The following PLEKHH1 variants were observed in gnomAD, a reference collection of about 807,000 sequenced individuals.
PLEKHH1 encodes pleckstrin homology domain-containing family H member 1.
In PLEKHH1, 104 loss-of-function variants were observed where a neutral mutation model predicts 160.0. The observed-to-expected ratio is 0.65, with a 90% CI of 0.55 to 0.76. The LOEUF (loss-of-function observed/expected upper bound fraction) is 0.76. Among genes scored for constraint, PLEKHH1 ranks in the 30% least tolerant of loss-of-function variants. The pLI is 0.00. For synonymous variants in PLEKHH1, 619 were observed against 678.4 expected (o/e 0.91, Z 1.36); for missense variants, 1,427 against 1,724.1 (o/e 0.83, Z 3.05).
intron 24 of PLEKHH1, among the ~76,000 whole-genome samples, chr14:67,583,126 TAA>T (rs1349837341): frequency 6.6e-6 from 1 of 152,122 alleles, no homozygotes; most frequent in Non-Finnish European, 1.5e-5. Flanking sequence ...TAAAAATTTT[TAA>T]AAAAGAATAA....
rs758445565 is a variant in PLEKHH1, at chr14:67,575,422, T to G, written c.2119T>G (p.Cys707Gly). Residue 707 changes from cysteine to glycine, a missense_variant, in exon 15 of 29, where the codon TGC becomes GGC. This residue lies in a region of PLEKHH1 where 831 missense variants were observed against 929.2 expected (regional missense o/e 0.89). Transcript: ENST00000329153. ...GCATGGCCACTCCAAGGTGGTCTGGTGCGCTCTTGTTGGGAAAATCTTCTA... is the reference window on the plus strand; with the variant it reads ...GCATGGCCACTCCAAGGTGGTCTGGGGCGCTCTTGTTGGGAAAATCTTCTA... ...VKHGHSKVVW[C>G]ALVGKIFYYY... The G allele has an allele frequency of 6.2e-7, 1 of 1,610,258 alleles. No homozygotes were observed.
chr14:67,573,346 T>C lies in PLEKHH1; in HGVS notation c.1799T>C (p.Phe600Ser), dbSNP rs1594780377. 1 of 1,613,694 alleles carries C rather than the reference T, an allele frequency of 6.2e-7. No individual in the cohort carries two copies. The highest frequency in any genetic ancestry group is 8.5e-7 in the Non-Finnish European group (1 of 1,179,642). Residue 600 changes from phenylalanine to serine, a missense_variant, in exon 12 of 29, where the codon TTT (phenylalanine) becomes TCT (serine). Phe to Ser is a radical substitution (Grantham distance 155). Transcript: ENST00000329153. This position sits in a 1 kb window ranked among gnomAD's most constrained non-coding sequence, Gnocchi z 4.8. ...GTGAAGACGTGGAAGAGGCGCTGGTTTGTCCTGAGACAGGGACAGATTATG... is the reference window on the plus strand; with the variant it reads ...GTGAAGACGTGGAAGAGGCGCTGGTCTGTCCTGAGACAGGGACAGATTATG... The part of the protein sequence containing the change: ...SQVKTWKRRW[F>S]VLRQGQIMYY...
At chr14:67,539,111 G>C (rs2033863731) in intron 1 of PLEKHH1, among the ~76,000 whole-genome samples, 1 of 152,118 alleles carries the variant, frequency 6.6e-6, no homozygotes, top group Non-Finnish European at 1.5e-5. Context: ...AGACTCCCAG[G>C]TCCTAGTCTC....
At chr14:67,571,946 C>T (rs2140469546) in intron 10 of PLEKHH1, 44 bp downstream of exon 10, 1 of 1,565,292 alleles carries the variant, frequency 6.4e-7, no homozygotes, top group Non-Finnish European at 8.7e-7. Context: ...AGCAAGGAGC[C>T]CCTCACCTCT....
At chr14:67,585,167 G>T (rs4902495) in intron 26 of PLEKHH1, 34,613 of 164,052 alleles carry the variant, frequency 0.21, 4,445 homozygotes, top group Non-Finnish European at 0.3. Flanking sequence ...CTTCGGCTTG[G>T]AGACTATAGG....
At chr14:67,552,350 G>A (rs2034425134) in intron 2 of PLEKHH1, among the ~76,000 whole-genome samples, 1 of 152,198 alleles carries the variant, frequency 6.6e-6, no homozygotes, top group Admixed American at 6.5e-5. Flanking sequence ...AGAAAGATCT[G>A]CCCTCGTGAA....
Position 67,541,926 on chromosome 14 carries a change from C to T in PLEKHH1, c.59C>T (p.Thr20Ile). Residue 20 changes from threonine (T) to isoleucine (I), a missense_variant, in exon 2 of 29, where the codon ACC (threonine) becomes ATC (isoleucine). By Grantham distance (89) the Thr-to-Ile change is moderately conservative. Coordinates refer to ENST00000329153, the MANE Select transcript of PLEKHH1 (RefSeq NM_020715.3). ...GTAGACTGGCAGAAACGCTGCCTGA[C>T]CCTGGAAACTCAGCTTTTCCGGTTC... ...ASVDWQKRCL[T>I]LETQLFRFRL... 1 of 1,606,456 alleles carries T rather than the reference C, an allele frequency of 6.2e-7. No homozygotes were observed. The highest frequency in any genetic ancestry group is 1.1e-5 in the South Asian group (1 of 89,226).
chr14:67,572,379 G>T, intron 11 of PLEKHH1, 102 bp downstream of exon 11: 1 of 881,442 alleles, frequency 1.1e-6, no homozygotes. Flanking sequence ...GAAGTGAGGG[G>T]TCCCTAGAGC....
intron 7 of PLEKHH1, among the ~76,000 whole-genome samples, chr14:67,567,857 A>T (rs975270317): frequency 3.9e-5 from 6 of 151,918 alleles, no homozygotes; most frequent in African/African-American, 1.5e-4. Context: ...AGCCTTGGTG[A>T]CTCACGTCAC....
Position 67,580,921 on chromosome 14 carries a change from T to C in PLEKHH1, c.3184-17T>C. ...TTATCAGGAAATTTTCTGACTTTCT[T>C]CTTTTGCCTTTTCAAGATCTGTGAT... On this transcript the variant is annotated splice_polypyrimidine_tract_variant and intron_variant, in intron 22 of 28. Coordinates refer to ENST00000329153, the MANE Select transcript of PLEKHH1 (RefSeq NM_020715.3). The C allele has an allele frequency of 3.2e-6, 5 of 1,561,052 alleles. No homozygotes were observed. Among genetic ancestry groups the C allele is most frequent in the Non-Finnish European group, 4.4e-6 (5 of 1,131,724 alleles).
At chr14:67,572,594 C>G (rs112790278) in intron 11 of PLEKHH1, among the ~76,000 whole-genome samples, 7 of 146,894 alleles carry the variant, frequency 4.8e-5, no homozygotes, top group African/African-American at 1.7e-4. Flanking sequence ...AATACTAACG[C>G]AAGCTAACAT....
Position 67,576,933 on chromosome 14 carries a change from C to A in PLEKHH1, c.2462-369C>A, listed in dbSNP as rs1297704565. ...CTGAGGAACTAATTAATGGCATATA[C>A]CACACACACCCCTTTACTACTGCTC... is the stretch of plus-strand genomic sequence containing the variant. On this transcript the variant is annotated intron_variant, in intron 17 of 28. Transcript: ENST00000329153. The surrounding 1 kb of genome is among the most constrained non-coding windows in gnomAD (Gnocchi z 4.0). 2.0e-5 allele frequency among the ~76,000 whole-genome samples: 3 copies of A among 152,106 alleles called. No individual in the cohort carries two copies. Among genetic ancestry groups the A allele is most frequent in the African/African-American group, 7.2e-5 (3 of 41,402 alleles).
chr14:67,579,692 T>C lies in PLEKHH1; in HGVS notation c.3028-29T>C, dbSNP rs775267398. ...AGTGAGCTCCTCTCAGGAGGTTCAC[T>C]CAGGGTTGGAACTCTTCTCCCGCCT... On this transcript the variant is annotated intron_variant, in intron 21 of 28. Transcript: ENST00000329153. The C allele has an allele frequency of 2.5e-6, 4 of 1,606,612 alleles. No homozygotes were observed. In the South Asian group the frequency reaches 3.4e-5, roughly 14 times the overall value.
Position 67,578,691 on chromosome 14 carries a change from G to C in PLEKHH1, c.2849+60G>C. 4.7e-6 allele frequency: 5 copies of C among 1,058,742 alleles called. No individual in the cohort carries two copies. The highest frequency in any genetic ancestry group is 7.2e-6 in the Non-Finnish European group (5 of 696,518). 65.6% of individuals were successfully genotyped at this position (1,058,742 alleles called of 1,614,324 possible). A position where few individuals can be genotyped will look rare whatever the true frequency, so the allele number is the denominator to read the frequency against. On this transcript the variant is annotated intron_variant, in intron 20 of 28. Coordinates refer to ENST00000329153, the MANE Select transcript of PLEKHH1 (RefSeq NM_020715.3). The surrounding 1 kb of genome is among the most constrained non-coding windows in gnomAD (Gnocchi z 5.0). Reference sequence around the variant, plus strand: ...GCACTGCCAACTGCCGCATGAATAAGAGGGATGAGAGGAGTCTAGGGCAGA... The same window carrying C: ...GCACTGCCAACTGCCGCATGAATAACAGGGATGAGAGGAGTCTAGGGCAGA...
intron 2 of PLEKHH1, among the ~76,000 whole-genome samples, chr14:67,547,104 C>A (rs1414856987): frequency 1.3e-5 from 2 of 152,000 alleles, no homozygotes; most frequent in Non-Finnish European, 2.9e-5. Context: ...CTCATGTAAC[C>A]AGAATGTCTT....
intron 7 of PLEKHH1, 142 bp from the exon 8 acceptor site, chr14:67,568,996 A>G (rs2035240519): frequency 1.7e-6 from 1 of 597,550 alleles, no homozygotes; most frequent in Admixed American, 3.0e-5. Context: ...GAAATGAAGT[A>G]ACTTGCCCAA....
At chr14:67,570,147 G>A (rs149341763) in intron 9 of PLEKHH1, 135 bp downstream of exon 9, 14 of 708,116 alleles carry the variant, frequency 2.0e-5, no homozygotes, top group East Asian at 5.4e-5. Flanking sequence ...AGCCCAGCAC[G>A]TGTCATTTTG....
intron 4 of PLEKHH1, among the ~76,000 whole-genome samples, chr14:67,559,266 A>G (rs1256293740): frequency 6.6e-6 from 1 of 152,222 alleles, no homozygotes. Flanking sequence ...CCAGAGGAGT[A>G]TAAAATGACA....
chr14:67,540,112 T>G (rs2033905431), intron 1 of PLEKHH1, among the ~76,000 whole-genome samples: 1 of 152,060 alleles, frequency 6.6e-6, no homozygotes, highest in African/African-American at 2.4e-5. Flanking sequence ...AGCAACAAAT[T>G]TTTATTATGG....
Sources: gnomAD v4.1 joint callset for allele counts (sites outside exome capture counted in the v4.1 genomes callset) on GRCh38, gnomAD v4.1.1 for gene constraint, gnomAD v4.1.1 regional missense constraint, Gnocchi (gnomAD v3.1) non-coding constraint, MANE v1.5 for transcripts, NCBI Gene and HGNC (gene_info 2026-07-23, HGNC 2026-07-21) for gene names.